The following SHOC1 variants were observed in gnomAD, a reference collection of about 807,000 sequenced individuals.
SHOC1 encodes shortage in chiasmata 1, also known as protein shortage in chiasmata 1 ortholog.
In SHOC1, 136 loss-of-function variants were observed where a neutral mutation model predicts 179.2. The observed-to-expected ratio is 0.76, with a 90% confidence interval of 0.66 to 0.87. The LOEUF (loss-of-function observed/expected upper bound fraction) is 0.87. Ranked by LOEUF, SHOC1 falls within the 40% of genes least tolerant of loss-of-function variation. SHOC1 has a pLI of 0.00. For synonymous variants in SHOC1, 489 were observed against 586.6 expected (o/e 0.83, Z 2.41); for missense variants, 1,538 against 1,700.8 (o/e 0.90, Z 1.68).
At chr9:111,726,066 A>G (rs1008606037) in intron 13 of SHOC1, among the ~76,000 whole-genome samples, 3 of 152,146 alleles carry the variant, frequency 2.0e-5, no homozygotes, top group African/African-American at 7.2e-5. Flanking sequence ...TTATTTTTGT[A>G]TCACATTTAT....
chr9:111,692,502 T>C lies in SHOC1; in HGVS notation c.3475A>G (p.Ser1159Gly). Reference sequence around the variant, plus strand: ...CCAATCTTGAATAGGGAAGTGATGCTACAAAAATGCTAAAAAATGAATTAA... The same window carrying C: ...CCAATCTTGAATAGGGAAGTGATGCCACAAAAATGCTAAAAAATGAATTAA... ...VPEKVLKHFC[S>G]ITSLFKIGSS... Residue 1159 changes from serine to glycine, a missense_variant, in exon 27 of 28, where the codon AGC becomes GGC. Physicochemically the swap from Ser to Gly is moderately conservative, Grantham distance 56 (BLOSUM62 0). Transcript: ENST00000682961. 6.4e-7 allele frequency: 1 copy of C among 1,556,612 alleles called. No individual in the cohort carries two copies. The highest frequency in any genetic ancestry group is 8.7e-7 in the Non-Finnish European group (1 of 1,149,496).
chr9:111,742,957 C>T (rs1382235223), intron 10 of SHOC1, among the ~76,000 whole-genome samples: 3 of 152,216 alleles, frequency 2.0e-5, no homozygotes, highest in Non-Finnish European at 4.4e-5. Flanking sequence ...TTTCTGAAGG[C>T]ATGTCTGAAT....
At chr9:111,735,688 T>C (rs1392778832) in intron 12 of SHOC1, among the ~76,000 whole-genome samples, 1 of 152,160 alleles carries the variant, frequency 6.6e-6, no homozygotes, top group Non-Finnish European at 1.5e-5. Context: ...TTATAATCCT[T>C]TGGGTATATA....
intron 2 of SHOC1, among the ~76,000 whole-genome samples, chr9:111,790,012 C>T (rs2131655235): frequency 6.6e-6 from 1 of 152,200 alleles, no homozygotes; most frequent in Middle Eastern, 3.4e-3. Context: ...AAAAATTTAA[C>T]TTGTCAACTA....
At chr9:111,761,316 A>G (rs986929114) in intron 5 of SHOC1, among the ~76,000 whole-genome samples, 26 of 152,198 alleles carry the variant, frequency 1.7e-4, no homozygotes, top group African/African-American at 6.0e-4. Context: ...AGCCTGGCCT[A>G]CATGGCGAAA....
At chr9:111,789,220 G>A (rs879443881) in intron 2 of SHOC1, among the ~76,000 whole-genome samples, 1 of 151,906 alleles carries the variant, frequency 6.6e-6, no homozygotes, top group East Asian at 1.9e-4. Context: ...AAGTGGTAAA[G>A]AGAAAAAGAT....
At chr9:111,694,023 T>A (rs1828047750) in intron 25 of SHOC1, 75 bp from the exon 26 acceptor site, 17 of 1,292,910 alleles carry the variant, frequency 1.3e-5, no homozygotes, top group Non-Finnish European at 1.8e-5. Flanking sequence ...AGTAAGTACA[T>A]TTCTTCCTAG....
At chr9:111,749,422 T>A (rs1405623686) in intron 8 of SHOC1, among the ~76,000 whole-genome samples, 1 of 152,216 alleles carries the variant, frequency 6.6e-6, no homozygotes, top group Non-Finnish European at 1.5e-5. Context: ...CCAATGCCTT[T>A]TCCTTGCTTT....
At chr9:111,690,070 T>C (rs530139531) in intron 27 of SHOC1, among the ~76,000 whole-genome samples, 1 of 145,150 alleles carries the variant, frequency 6.9e-6, no homozygotes, top group African/African-American at 2.6e-5. Context: ...CACAATCTAA[T>C]ATCATGAATG....
At position 111,756,396 on chromosome 9, in the gene SHOC1, A is replaced by G. The variant is rs1220353568; in HGVS notation, c.791T>C (p.Leu264Pro). Residue 264 changes from leucine to proline, a missense_variant, in exon 8 of 28, where the codon CTG becomes CCG. Coordinates refer to ENST00000682961, the MANE Select transcript of SHOC1 (RefSeq NM_001378211.1). ...TGGCACTGGGTTTAATAACTCCTTCAGTTCTGAGAGTGATGGAATATCAAT... is the reference window on the plus strand; with the variant it reads ...TGGCACTGGGTTTAATAACTCCTTCGGTTCTGAGAGTGATGGAATATCAAT... Reference protein sequence around the residue: ...PEIDIPSLSELKELLNPVPEI... With the variant: ...PEIDIPSLSEPKELLNPVPEI... 3 of 1,611,376 alleles carry G rather than the reference A, an allele frequency of 1.9e-6. No individual in the cohort carries two copies. Among genetic ancestry groups the G allele is most frequent in the South Asian group, 1.1e-5 (1 of 90,752 alleles).
intron 9 of SHOC1, 42 bp downstream of exon 9, chr9:111,748,050 A>T: frequency 7.7e-7 from 1 of 1,291,566 alleles, no homozygotes; most frequent in East Asian, 2.3e-5. Flanking sequence ...CATCATAAAT[A>T]GGTAATCCCC....
chr9:111,783,378 A>G (rs1033671030), intron 3 of SHOC1: 28 of 152,334 alleles, frequency 1.8e-4, no homozygotes, highest in African/African-American at 6.7e-4. Flanking sequence ...CAAAGTCATC[A>G]ATGACCTACA....
chr9:111,782,766 G>A (rs1477135800), intron 3 of SHOC1, among the ~76,000 whole-genome samples: 1 of 151,732 alleles, frequency 6.6e-6, no homozygotes, highest in Admixed American at 6.6e-5. Context: ...TGGCTTTCTT[G>A]CTCTTTAAGA....
At chr9:111,735,982 G>C (rs1833797192) in intron 12 of SHOC1, among the ~76,000 whole-genome samples, 1 of 152,118 alleles carries the variant, frequency 6.6e-6, no homozygotes, top group Non-Finnish European at 1.5e-5. Flanking sequence ...TGTGAATAGT[G>C]CTGTGATGAA....
At chr9:111,770,397 T>C (rs1284427051) in intron 5 of SHOC1, among the ~76,000 whole-genome samples, 1 of 152,198 alleles carries the variant, frequency 6.6e-6, no homozygotes, top group African/African-American at 2.4e-5. Context: ...TGATATGATT[T>C]CTATTTTGAA....
chr9:111,708,736 A>T (rs1377544087), intron 18 of SHOC1, among the ~76,000 whole-genome samples: 1 of 152,188 alleles, frequency 6.6e-6, no homozygotes, highest in South Asian at 2.1e-4. Flanking sequence ...CTTGCTTCTC[A>T]TACTTTAAAT....
Position 111,700,056 on chromosome 9 carries a change from A to G in SHOC1, c.3090-9T>C. 2 of 1,330,854 alleles carry G rather than the reference A, an allele frequency of 1.5e-6. No homozygotes were observed. Among genetic ancestry groups the G allele is most frequent in the Non-Finnish European group, 2.1e-6 (2 of 936,082 alleles). 82.4% of individuals were successfully genotyped at this position (1,330,854 alleles called of 1,614,324 possible). A position where few individuals can be genotyped will look rare whatever the true frequency, so the allele number is the denominator to read the frequency against. On this transcript the variant is annotated splice_polypyrimidine_tract_variant and intron_variant, in intron 23 of 27. Transcript: ENST00000682961. Reference sequence around the variant, plus strand: ...TTTCTGTAAGCAGATACCTACAAAGAATTATATTACTATATTTCTATTCAT... The same window carrying G: ...TTTCTGTAAGCAGATACCTACAAAGGATTATATTACTATATTTCTATTCAT...
At chr9:111,767,587 G>A (rs939215804) in intron 5 of SHOC1, among the ~76,000 whole-genome samples, 2 of 151,996 alleles carry the variant, frequency 1.3e-5, no homozygotes, top group African/African-American at 4.8e-5. Context: ...TGGTTAATAT[G>A]GCTTTGGAGT....
At chr9:111,762,479 A>G (rs1835179362) in intron 5 of SHOC1, among the ~76,000 whole-genome samples, 1 of 152,152 alleles carries the variant, frequency 6.6e-6, no homozygotes, top group Non-Finnish European at 1.5e-5. Context: ...AAAATCAAGC[A>G]TAAAATAAAA....
Sources: allele counts gnomAD v4.1 joint callset (sites outside exome capture counted in the v4.1 genomes callset), GRCh38; gene constraint gnomAD v4.1.1; transcripts MANE v1.5; gene names NCBI Gene and HGNC (gene_info 2026-07-23, HGNC 2026-07-21).